Variants in IL1RAPL2 observed in about 807,000 individuals in gnomAD.
The protein encoded by IL1RAPL2 is interleukin 1 receptor accessory protein like 2.
In IL1RAPL2, 3 loss-of-function variants were observed where a neutral mutation model predicts 44.1. The observed-to-expected ratio is 0.07, with a 90% confidence interval of 0.03 to 0.18. IL1RAPL2 has a LOEUF of 0.18. Among genes scored for constraint, IL1RAPL2 ranks in the 10% least tolerant of loss-of-function variants. The pLI, the probability that IL1RAPL2 is intolerant of heterozygous loss-of-function variation, is 1.00. For missense variants in IL1RAPL2, 391 were observed against 496.4 expected (o/e 0.79, Z 2.02); for synonymous variants, 181 against 178.8 (o/e 1.01, Z -0.10).
chrX:105,580,362 G>GTTTTTTTTTTTTTTTTTTT (rs149950677), intron 6 of IL1RAPL2, among the ~76,000 whole-genome samples: 2 of 84,650 alleles, frequency 2.4e-5, no homozygotes. Flanking sequence ...AACCCCCCGT[G>GTTTTTTTTTTTTTTTTTTT]TTTTTTTTTT....
chrX:104,678,377 T>C lies in IL1RAPL2; in HGVS notation c.82+19382T>C, dbSNP rs148891414. On this transcript the variant is annotated intron_variant, in intron 2 of 10. Coordinates refer to ENST00000372582, the MANE Select transcript of IL1RAPL2 (RefSeq NM_017416.2). ...GTAGTGTTTTCCTTTACACAGCATA[T>C]GCAGTAGAATGACAATATAAAGGAA... Among the ~76,000 whole-genome samples, 435 of 112,152 alleles carry C rather than the reference T, an allele frequency of 3.9e-3. 5 individuals carry two copies. Among genetic ancestry groups the C allele is most frequent in the African/African-American group, 0.014 (419 of 30,882 alleles).
At chrX:105,382,674 T>C (rs1395621958) in intron 5 of IL1RAPL2, among the ~76,000 whole-genome samples, 1 of 106,033 alleles carries the variant, frequency 9.4e-6, no homozygotes, top group Non-Finnish European at 1.9e-5. Flanking sequence ...TGCACACATA[T>C]GTTTATTGCG....
At chrX:105,152,759 A>G (rs1254419342) in intron 2 of IL1RAPL2, among the ~76,000 whole-genome samples, 5 of 112,039 alleles carry the variant, frequency 4.5e-5, no homozygotes. Context: ...ACACCATTAT[A>G]GTGGGAGTGA....
chrX:104,707,187 A>C (rs1244650137), intron 2 of IL1RAPL2, among the ~76,000 whole-genome samples: 1 of 111,406 alleles, frequency 9.0e-6, no homozygotes, highest in Non-Finnish European at 1.9e-5. Context: ...ACTGCTTGTA[A>C]ATTCAATTAG....
At chrX:104,885,075 C>T (rs893389186) in intron 2 of IL1RAPL2, among the ~76,000 whole-genome samples, 6 of 111,935 alleles carry the variant, frequency 5.4e-5, no homozygotes, top group African/African-American at 1.3e-4. Context: ...AGATGTCCTA[C>T]AGGGTCTAGG....
chrX:104,672,931 T>C (rs1930646588), intron 2 of IL1RAPL2, among the ~76,000 whole-genome samples: 1 of 111,812 alleles, frequency 8.9e-6, no homozygotes, highest in East Asian at 2.8e-4. Context: ...TTCGCCCACT[T>C]TTTGATAGGA....
chrX:104,585,358 AT>A (rs1928529425), intron 1 of IL1RAPL2, among the ~76,000 whole-genome samples: 13 of 25,854 alleles, frequency 5.0e-4, no homozygotes, highest in Non-Finnish European at 6.0e-4. Flanking sequence ...TATATTATAT[AT>A]ATTATATATA....
intron 2 of IL1RAPL2, among the ~76,000 whole-genome samples, chrX:104,967,868 G>A (rs970797280): frequency 4.5e-5 from 5 of 110,033 alleles, no homozygotes; most frequent in Non-Finnish European, 7.6e-5. Context: ...GAAAACCTTA[G>A]TAGACTTATA....
At chrX:105,251,888 T>C in intron 4 of IL1RAPL2, among the ~76,000 whole-genome samples, 1 of 111,410 alleles carries the variant, frequency 9.0e-6, no homozygotes, top group Non-Finnish European at 1.9e-5. Flanking sequence ...AGAAATATAG[T>C]TACCTAAGAC....
chrX:104,935,354 T>C (rs943731454), intron 2 of IL1RAPL2, among the ~76,000 whole-genome samples: 1 of 112,360 alleles, frequency 8.9e-6, no homozygotes, highest in African/African-American at 3.2e-5. Flanking sequence ...TGTGTGACTT[T>C]TGACATTTTT....
At chrX:105,265,088 G>C (rs1487503172) in intron 4 of IL1RAPL2, among the ~76,000 whole-genome samples, 2 of 111,947 alleles carry the variant, frequency 1.8e-5, no homozygotes, top group Non-Finnish European at 3.8e-5. Flanking sequence ...AAGCAAAACA[G>C]TGAGCAGAGA....
At chrX:104,810,821 A>T (rs1450445587) in intron 2 of IL1RAPL2, among the ~76,000 whole-genome samples, 1 of 112,217 alleles carries the variant, frequency 8.9e-6, no homozygotes, top group Non-Finnish European at 1.9e-5. Flanking sequence ...GGCAACATTT[A>T]GCCAACTTAC....
intron 6 of IL1RAPL2, among the ~76,000 whole-genome samples, chrX:105,578,085 T>C (rs1310532671): frequency 1.1e-5 from 1 of 92,933 alleles, no homozygotes. Context: ...CCTGTGTCCA[T>C]GTGTTCTCAT....
intron 1 of IL1RAPL2, among the ~76,000 whole-genome samples, chrX:104,644,496 G>A (rs183897793): frequency 2.8e-3 from 311 of 111,555 alleles, no homozygotes; most frequent in Admixed American, 6.2e-3. Context: ...TTGAAGATCA[G>A]AAAATCCTCC....
At chrX:104,879,385 G>C (rs77177104) in intron 2 of IL1RAPL2, among the ~76,000 whole-genome samples, 1 of 28,187 alleles carries the variant, frequency 3.5e-5, no homozygotes, top group Non-Finnish European at 7.1e-5. Flanking sequence ...AAAAAAAAAA[G>C]AGTGCAGAAA....
intron 2 of IL1RAPL2, among the ~76,000 whole-genome samples, chrX:104,850,256 TTAAG>T (rs2147641599): frequency 9.0e-6 from 1 of 111,478 alleles, no homozygotes; most frequent in South Asian, 3.7e-4. Flanking sequence ...TTAAGTGAGT[TTAAG>T]TATTTAAATG....
At chrX:105,263,816 G>A (rs1278744148) in intron 4 of IL1RAPL2, among the ~76,000 whole-genome samples, 2 of 111,142 alleles carry the variant, frequency 1.8e-5, no homozygotes, top group Non-Finnish European at 3.8e-5. Flanking sequence ...CTAGCAAGAC[G>A]GGCTCTCAGC....
At chrX:105,576,533 C>T (rs1458710790) in intron 6 of IL1RAPL2, among the ~76,000 whole-genome samples, 1 of 111,487 alleles carries the variant, frequency 9.0e-6, no homozygotes, top group East Asian at 2.8e-4. Context: ...TCATGCTCTA[C>T]AAGCACATCC....
intron 6 of IL1RAPL2, among the ~76,000 whole-genome samples, chrX:105,693,342 G>A (rs778169724): frequency 1.1e-3 from 128 of 111,615 alleles, no homozygotes; most frequent in African/African-American, 3.8e-3. Flanking sequence ...CGAATCCCTC[G>A]TGACGGTCTT....
Sources: allele counts gnomAD v4.1 joint callset (sites outside exome capture counted in the v4.1 genomes callset), GRCh38; gene constraint gnomAD v4.1.1; transcripts MANE v1.5; gene names NCBI Gene and HGNC (gene_info 2026-07-23, HGNC 2026-07-21).